EPB41L4A: variants seen among roughly 807,000 people sequenced by gnomAD.
EPB41L4A encodes erythrocyte membrane protein band 4.1 like 4A, also known as band 4.1-like protein 4A.
In EPB41L4A, 100 loss-of-function variants were observed where a neutral mutation model predicts 108.6. The ratio of observed to expected loss-of-function variants is 0.92; its 90% confidence interval spans 0.78 to 1.09. The LOEUF (loss-of-function observed/expected upper bound fraction) is 1.09. EPB41L4A is among the 50% of genes least tolerant of loss of function. The probability of loss-of-function intolerance (pLI) is 0.00; values close to 1 mark genes in which losing one functional copy is unlikely to be tolerated. For synonymous variants in EPB41L4A, 319 were observed against 289.0 expected, an observed-to-expected ratio of 1.10 and a Z score of -1.05; for missense variants, 1,030 against 842.7, an observed-to-expected ratio of 1.22 and a Z score of -2.75.
In EPB41L4A at chr5:112,377,258, T is replaced by C. The variant is rs190976873; in HGVS notation, c.99+41683A>G. Among the ~76,000 whole-genome samples the C allele has an allele frequency of 3.3e-4, 50 of 151,042 alleles. 2 individuals carry two copies. In the South Asian group the frequency reaches 8.9e-3, roughly 27 times the overall value. On this transcript the variant is annotated intron_variant, in intron 1 of 22. Transcript: ENST00000261486. ...ACAATATGTGGAATCTTTGAGATAATGGAAATGCTCTGTACCTTGAATATA... is the reference window on the plus strand; with the variant it reads ...ACAATATGTGGAATCTTTGAGATAACGGAAATGCTCTGTACCTTGAATATA...
At chr5:112,370,874 G>C (rs1312636064) in intron 1 of EPB41L4A, among the ~76,000 whole-genome samples, 2 of 152,232 alleles carry the variant, frequency 1.3e-5, no homozygotes, top group African/African-American at 4.8e-5. Context: ...AGGAGGTGGA[G>C]GTTGCAGTAA....
chr5:112,170,104 TAAGAG>T, intron 20 of EPB41L4A, 192 bp downstream of exon 20: 1 of 563,226 alleles, frequency 1.8e-6, no homozygotes, highest in Non-Finnish European at 3.1e-6. Context: ...AGGTGGCTAA[TAAGAG>T]ATGATAGTGA....
In EPB41L4A at chr5:112,418,916, G is replaced by T. The variant is rs758978846; in HGVS notation, c.99+25C>A. ...CGCACCCGCCCTGCCGCCAACCCCCGGAACGCGCTCCGGGCCGCACCCACC... is the reference window on the plus strand; with the variant it reads ...CGCACCCGCCCTGCCGCCAACCCCCTGAACGCGCTCCGGGCCGCACCCACC... On this transcript the variant is annotated intron_variant, in intron 1 of 22. Transcript: ENST00000261486. 4.4e-6 allele frequency: 7 copies of T among 1,594,824 alleles called. No homozygotes were observed. The East Asian group carries it at 1.6e-4, about 36-fold the overall frequency.
At chr5:112,393,412 A>G (rs1761091154) in intron 1 of EPB41L4A, among the ~76,000 whole-genome samples, 1 of 152,224 alleles carries the variant, frequency 6.6e-6, no homozygotes, top group South Asian at 2.1e-4. Flanking sequence ...AGGGGATACC[A>G]CCACCGATCC....
rs116541758 is a variant in EPB41L4A at position 112,206,391 on chromosome 5, G to C, written c.1179-887C>G. Among the ~76,000 whole-genome samples, 1,108 of 151,478 alleles carry C rather than the reference G, an allele frequency of 7.3e-3. 13 individuals are homozygous for C. The highest frequency in any genetic ancestry group is 0.025 in the African/African-American group (1,025 of 41,250). On this transcript the variant is annotated intron_variant, in intron 13 of 22. Coordinates refer to ENST00000261486, the MANE Select transcript of EPB41L4A (RefSeq NM_022140.5). Reference sequence around the variant, plus strand: ...AAAAAAAAAAAAGACTTGCACCCTAGTATACTATCCATGATGGAATTAAAG... The same window carrying C: ...AAAAAAAAAAAAGACTTGCACCCTACTATACTATCCATGATGGAATTAAAG...
At chr5:112,200,382 T>C (rs7705102) in intron 15 of EPB41L4A, among the ~76,000 whole-genome samples, 52,706 of 152,124 alleles carry the variant, frequency 0.35, 9,528 homozygotes, top group South Asian at 0.51. Context: ...ATTACACTTA[T>C]GACACGTGTA....
chr5:112,147,504 GT>G (rs1278107988), intron 12 of EPB41L4A, among the ~76,000 whole-genome samples: 2 of 151,788 alleles, frequency 1.3e-5, no homozygotes, highest in Admixed American at 6.6e-5. Flanking sequence ...GCCGGGTGTG[GT>G]GGCATGTGCC....
chr5:112,254,843 C>G (rs992926910), intron 9 of EPB41L4A, among the ~76,000 whole-genome samples: 1 of 152,050 alleles, frequency 6.6e-6, no homozygotes, highest in African/African-American at 2.4e-5. Flanking sequence ...TTTGTGCCCT[C>G]CGGAATTCAT....
intron 1 of EPB41L4A, among the ~76,000 whole-genome samples, chr5:112,411,313 C>T (rs1762398021): frequency 6.6e-6 from 1 of 152,094 alleles, no homozygotes; most frequent in South Asian, 2.1e-4. Context: ...GAACATGATA[C>T]TATTTCTCCT....
At chr5:112,269,759 A>G (rs1752129567) in intron 4 of EPB41L4A, among the ~76,000 whole-genome samples, 1 of 152,232 alleles carries the variant, frequency 6.6e-6, no homozygotes, top group South Asian at 2.1e-4. Context: ...TGCTAACTAA[A>G]AATATCTACT....
intron 1 of EPB41L4A, among the ~76,000 whole-genome samples, chr5:112,390,016 T>C (rs145198136): frequency 1.3e-3 from 197 of 152,360 alleles, no homozygotes; most frequent in African/African-American, 4.5e-3. Flanking sequence ...AAATTCTGCA[T>C]GTCTCAATGC....
At chr5:112,370,379 C>T (rs535505563) in intron 1 of EPB41L4A, among the ~76,000 whole-genome samples, 2 of 151,852 alleles carry the variant, frequency 1.3e-5, no homozygotes, top group South Asian at 4.2e-4. Context: ...CTATATCTTT[C>T]TTGAATTTTA....
chr5:112,330,099 T>C (rs1158928915), intron 1 of EPB41L4A, among the ~76,000 whole-genome samples: 2 of 151,798 alleles, frequency 1.3e-5, no homozygotes, highest in Non-Finnish European at 2.9e-5. Flanking sequence ...AAGTATATGG[T>C]AGCAAGAACG....
chr5:112,388,572 G>A (rs1760718836), intron 1 of EPB41L4A, among the ~76,000 whole-genome samples: 2 of 152,164 alleles, frequency 1.3e-5, no homozygotes, highest in Admixed American at 1.3e-4. Flanking sequence ...GAGAATGGGA[G>A]AGTCAGGATT....
intron 2 of EPB41L4A, among the ~76,000 whole-genome samples, chr5:112,285,600 C>T (rs905803790): frequency 2.0e-5 from 3 of 152,132 alleles, no homozygotes; most frequent in Non-Finnish European, 4.4e-5. Context: ...AAGGGCCTGT[C>T]ACTGGAGTGA....
chr5:112,236,172 A>G (rs1468074062), intron 11 of EPB41L4A, among the ~76,000 whole-genome samples: 1 of 152,146 alleles, frequency 6.6e-6, no homozygotes, highest in East Asian at 1.9e-4. Flanking sequence ...AATTTTTCTC[A>G]TGGTTTCTCT....
chr5:112,323,423 C>A (rs1423225732), intron 1 of EPB41L4A, among the ~76,000 whole-genome samples: 4 of 152,200 alleles, frequency 2.6e-5, no homozygotes, highest in South Asian at 2.1e-4. Context: ...ACTCAACTGT[C>A]TACATTAACA....
chr5:112,372,204 T>C (rs1440202769), intron 1 of EPB41L4A, among the ~76,000 whole-genome samples: 1 of 152,166 alleles, frequency 6.6e-6, no homozygotes, highest in African/African-American at 2.4e-5. Flanking sequence ...CTCAGGAAAC[T>C]TACAATCATG....
chr5:112,305,987 C>T (rs1220196817), intron 2 of EPB41L4A, among the ~76,000 whole-genome samples: 1 of 151,998 alleles, frequency 6.6e-6, no homozygotes, highest in Non-Finnish European at 1.5e-5. Context: ...ACAGTAGGGG[C>T]CATTGTTTTG....
Sources: allele counts gnomAD v4.1 joint callset (sites outside exome capture counted in the v4.1 genomes callset), GRCh38; gene constraint gnomAD v4.1.1; transcripts MANE v1.5; gene names NCBI Gene and HGNC (gene_info 2026-07-23, HGNC 2026-07-21).